The following RBM19 variants were observed in gnomAD, a reference collection of about 807,000 sequenced individuals.
RBM19 encodes the protein probable RNA-binding protein 19.
In RBM19, 94 loss-of-function variants were observed where a neutral mutation model predicts 116.8. The ratio of observed to expected loss-of-function variants is 0.80; its 90% confidence interval spans 0.68 to 0.95. The LOEUF (loss-of-function observed/expected upper bound fraction) is 0.95. Among genes scored for constraint, RBM19 ranks in the 40% least tolerant of loss-of-function variants. The pLI is 0.00. For missense variants in RBM19, 1,161 were observed against 1,220.7 expected, an observed-to-expected ratio of 0.95 and a Z score of 0.73; for synonymous variants, 475 against 494.1, an observed-to-expected ratio of 0.96 and a Z score of 0.51.
intron 23 of RBM19, among the ~76,000 whole-genome samples, chr12:113,841,982 G>C (rs1876525384): frequency 6.6e-6 from 1 of 152,240 alleles, no homozygotes; most frequent in African/African-American, 2.4e-5. Context: ...GCAGGCCTCA[G>C]TTCTCTCATC....
At position 113,825,184 on chromosome 12, in the gene RBM19, C is replaced by T. The variant is rs55853447; in HGVS notation, c.2786-1863G>A. ...TATCCCAGAAAGGGGAATGAGCGGA[C>T]GGAGCAAGGGTGAGAGAGAGACGGC... On this transcript the variant is annotated intron_variant, in intron 23 of 23. Transcript: ENST00000261741. This position sits in a 1 kb window ranked among gnomAD's most constrained non-coding sequence, Gnocchi z 5.7. Among the ~76,000 whole-genome samples the T allele has an allele frequency of 5.4e-3, 826 of 152,312 alleles. 8 individuals carry two copies. Among genetic ancestry groups the T allele is most frequent in the African/African-American group, 0.016 (661 of 41,576 alleles).
At position 113,958,119 on chromosome 12, in the gene RBM19, T is replaced by G; in HGVS notation, c.572-69A>C. 3.9e-6 allele frequency: 6 copies of G among 1,536,880 alleles called. No homozygotes were observed. The South Asian group carries it at 7.7e-5, about 20-fold the overall frequency. ...ACCAGAGGTCAGAGGTAGCAAATGG[T>G]AGATGGTCCTCCTAGTGAGAGGCCT... is the stretch of plus-strand genomic sequence containing the variant. On this transcript the variant is annotated intron_variant, in intron 5 of 23. Transcript: ENST00000261741.
chr12:113,896,271 T>G (rs1881315698), intron 21 of RBM19, among the ~76,000 whole-genome samples: 1 of 152,182 alleles, frequency 6.6e-6, no homozygotes, highest in African/African-American at 2.4e-5. Flanking sequence ...CCCTGTAATG[T>G]GCTTTGTTCG....
chr12:113,893,781 T>G (rs1593544363), intron 21 of RBM19, among the ~76,000 whole-genome samples: 1 of 152,130 alleles, frequency 6.6e-6, no homozygotes, highest in Non-Finnish European at 1.5e-5. Context: ...AAAATACAGG[T>G]TTTTGGCTCT....
chr12:113,846,085 A>G (rs1876942175), intron 22 of RBM19, among the ~76,000 whole-genome samples: 1 of 152,210 alleles, frequency 6.6e-6, no homozygotes, highest in Non-Finnish European at 1.5e-5. Flanking sequence ...TCACATTTGC[A>G]GCTGCTTTCT....
At chr12:113,887,819 C>G (rs564074492) in intron 21 of RBM19, among the ~76,000 whole-genome samples, 1 of 151,684 alleles carries the variant, frequency 6.6e-6, no homozygotes, top group Non-Finnish European at 1.5e-5. Context: ...CTCCTGGGTT[C>G]GGGTGATCCT....
intron 1 of RBM19, among the ~76,000 whole-genome samples, chr12:113,963,136 TG>T (rs1421628821): frequency 6.6e-6 from 1 of 152,230 alleles, no homozygotes; most frequent in African/African-American, 2.4e-5. Flanking sequence ...ACTGCAGCCC[TG>T]CCAAAGCCTT....
At chr12:113,844,006 T>C (rs1386521320) in intron 23 of RBM19, among the ~76,000 whole-genome samples, 3 of 152,210 alleles carry the variant, frequency 2.0e-5, no homozygotes, top group Non-Finnish European at 4.4e-5. Flanking sequence ...GCCCACCTGA[T>C]GAGGAATGTG....
At chr12:113,840,427 T>C (rs555373682) in intron 23 of RBM19, among the ~76,000 whole-genome samples, 82 of 152,346 alleles carry the variant, frequency 5.4e-4, no homozygotes, top group Non-Finnish European at 1.0e-3. Flanking sequence ...GGGCTGCTCC[T>C]GCCCCCGGGA....
chr12:113,818,972 C>T (rs569673278), downstream of RBM19, among the ~76,000 whole-genome samples: 3 of 152,222 alleles, frequency 2.0e-5, no homozygotes, highest in Non-Finnish European at 4.4e-5. Context: ...GGAGACGCCA[C>T]GTGGGACAGA....
chr12:113,885,718 G>T (rs1880467216), intron 21 of RBM19, among the ~76,000 whole-genome samples: 1 of 152,134 alleles, frequency 6.6e-6, no homozygotes, highest in Admixed American at 6.5e-5. Context: ...AATATAGAGA[G>T]AATGATAAAC....
chr12:113,895,927 T>C (rs1481549034), intron 21 of RBM19, among the ~76,000 whole-genome samples: 3 of 151,610 alleles, frequency 2.0e-5, no homozygotes, highest in Admixed American at 2.0e-4. Context: ...ATATATACAT[T>C]TCGTTCTCTC....
intron 21 of RBM19, among the ~76,000 whole-genome samples, chr12:113,899,136 T>C (rs1166390354): frequency 6.6e-6 from 1 of 152,250 alleles, no homozygotes; most frequent in Non-Finnish European, 1.5e-5. Flanking sequence ...GCAATGTTAC[T>C]TTAGGAATGA....
chr12:113,918,500 G>A (rs774386001), intron 19 of RBM19, 53 bp from the exon 20 acceptor site: 106 of 1,586,814 alleles, frequency 6.7e-5, no homozygotes, highest in Non-Finnish European at 8.4e-5. Context: ...ATACTCACCC[G>A]AATCCTTGCC....
intron 21 of RBM19, among the ~76,000 whole-genome samples, chr12:113,866,854 A>G (rs934105430): frequency 6.6e-6 from 1 of 152,252 alleles, no homozygotes; most frequent in African/African-American, 2.4e-5. Context: ...AGTGGTCCAG[A>G]TTATTTTAAG....
At chr12:113,866,980 T>G (rs1218772733) in intron 21 of RBM19, among the ~76,000 whole-genome samples, 2 of 152,216 alleles carry the variant, frequency 1.3e-5, no homozygotes, top group Non-Finnish European at 2.9e-5. Context: ...CCATTCTGAT[T>G]TTGGTTTCAA....
At chr12:113,856,980 T>A (rs1877960629) in intron 22 of RBM19, among the ~76,000 whole-genome samples, 1 of 152,216 alleles carries the variant, frequency 6.6e-6, no homozygotes, top group African/African-American at 2.4e-5. Context: ...ACTCAGGCAG[T>A]CTGGCTTTGA....
rs1360190596 is a variant in RBM19, at chr12:113,950,070, AG to A, written c.1072+12del. On this transcript the variant is annotated intron_variant, in intron 9 of 23. Coordinates refer to ENST00000261741, the MANE Select transcript of RBM19 (RefSeq NM_016196.4). ...TGTAACACAGAGAGAGCACATGGCCAGGGCTTCCTTACCCATGTACTCCCGG... is the reference window on the plus strand; with the variant it reads ...TGTAACACAGAGAGAGCACATGGCCAGGCTTCCTTACCCATGTACTCCCGG... 5.0e-6 allele frequency: 8 copies of A among 1,587,690 alleles called. No individual in the cohort carries two copies. The highest frequency in any genetic ancestry group is 6.9e-6 in the Non-Finnish European group (8 of 1,156,660).
At chr12:113,964,400 C>T (rs1872716122) in intron 1 of RBM19, among the ~76,000 whole-genome samples, 1 of 152,230 alleles carries the variant, frequency 6.6e-6, no homozygotes, top group Non-Finnish European at 1.5e-5. Flanking sequence ...CAAGTGTCAG[C>T]TGCAACTGCC....
Sources: allele counts gnomAD v4.1 joint callset (sites outside exome capture counted in the v4.1 genomes callset), GRCh38; gene constraint gnomAD v4.1.1; non-coding constraint Gnocchi (gnomAD v3.1); transcripts MANE v1.5; gene names NCBI Gene and HGNC (gene_info 2026-07-23, HGNC 2026-07-21).